Variants in XIRP2 observed in about 807,000 individuals in gnomAD.
XIRP2 encodes xin actin-binding repeat-containing protein 2.
In XIRP2, 236 loss-of-function variants were observed where a neutral mutation model predicts 277.0. The observed-to-expected ratio is 0.85, with a 90% CI of 0.77 to 0.95. The LOEUF (loss-of-function observed/expected upper bound fraction) is 0.95. XIRP2 is among the 40% of genes least tolerant of loss of function. The probability of loss-of-function intolerance (pLI) is 0.00; values close to 1 mark genes in which losing one functional copy is unlikely to be tolerated. For missense variants in XIRP2, 4,640 were observed against 4,157.5 expected (o/e 1.12, Z -3.19); for synonymous variants, 1,490 against 1,416.5 (o/e 1.05, Z -1.17).
chr2:167,038,578 A>T (rs528750045), intron 2 of XIRP2, among the ~76,000 whole-genome samples: 1 of 151,756 alleles, frequency 6.6e-6, no homozygotes, highest in African/African-American at 2.4e-5. Flanking sequence ...ACATATAATA[A>T]TTAGAAAATT....
At chr2:167,085,830 G>A (rs1223487519) in intron 2 of XIRP2, among the ~76,000 whole-genome samples, 5 of 152,136 alleles carry the variant, frequency 3.3e-5, no homozygotes, top group Non-Finnish European at 7.3e-5. Context: ...TTGAGCCTAT[G>A]TGTGTCTCTG....
At position 167,224,826 on chromosome 2, in the gene XIRP2, A is replaced by G. The variant is rs956444676; in HGVS notation, c.858+6526A>G. ...TGTAAAAAGACAAAGAAGGATTATC[A>G]TGTTCTGTGCCTCACACCTTGGCTT... On this transcript the variant is annotated intron_variant, in intron 5 of 10. Transcript: ENST00000409195. 3.3e-5 allele frequency among the ~76,000 whole-genome samples: 5 copies of G among 152,156 alleles called. No homozygotes were observed. In the East Asian group the frequency reaches 9.6e-4, roughly 29 times the overall value.
At chr2:167,112,889 A>G (rs1216827396) in intron 2 of XIRP2, among the ~76,000 whole-genome samples, 1 of 152,072 alleles carries the variant, frequency 6.6e-6, no homozygotes, top group Non-Finnish European at 1.5e-5. Flanking sequence ...TCCTGGCCTC[A>G]ATTGATCTGC....
intron 2 of XIRP2, among the ~76,000 whole-genome samples, chr2:166,942,744 T>G (rs1246214601): frequency 2.0e-5 from 3 of 152,204 alleles, no homozygotes; most frequent in Non-Finnish European, 2.9e-5. Flanking sequence ...TTTCACATAC[T>G]TGTATTAGAA....
At chr2:167,048,073 A>G (rs1390462798) in intron 2 of XIRP2, among the ~76,000 whole-genome samples, 1 of 151,948 alleles carries the variant, frequency 6.6e-6, no homozygotes, top group African/African-American at 2.4e-5. Context: ...CACATTGGGA[A>G]TTAGGTTTTA....
chr2:167,137,660 AT>A (rs1422607513), intron 3 of XIRP2, among the ~76,000 whole-genome samples: 1 of 152,204 alleles, frequency 6.6e-6, no homozygotes, highest in African/African-American at 2.4e-5. Context: ...TGTAACCACT[AT>A]TTACTGTCAA....
intron 5 of XIRP2, among the ~76,000 whole-genome samples, chr2:167,233,975 G>A (rs1162042390): frequency 2.0e-5 from 3 of 151,518 alleles, no homozygotes; most frequent in Non-Finnish European, 4.4e-5. Context: ...TTATTTATAT[G>A]ACTAATATGT....
At chr2:167,083,204 C>T (rs1038471749) in intron 2 of XIRP2, among the ~76,000 whole-genome samples, 1 of 152,182 alleles carries the variant, frequency 6.6e-6, no homozygotes, top group Non-Finnish European at 1.5e-5. Flanking sequence ...ATAGGGAATC[C>T]TTTCCCCATT....
At chr2:167,143,755 A>G (rs987932999) in intron 3 of XIRP2, among the ~76,000 whole-genome samples, 1 of 151,988 alleles carries the variant, frequency 6.6e-6, no homozygotes, top group Non-Finnish European at 1.5e-5. Context: ...CAATTAAAGG[A>G]GTGAAATATT....
At chr2:166,889,241 A>T (rs1367795125) in intron 1 of XIRP2, among the ~76,000 whole-genome samples, 1 of 152,166 alleles carries the variant, frequency 6.6e-6, no homozygotes, top group Non-Finnish European at 1.5e-5. Flanking sequence ...ACAGCAAAAA[A>T]CATTCAAATT....
intron 1 of XIRP2, among the ~76,000 whole-genome samples, chr2:166,900,586 G>A (rs572949075): frequency 4.4e-4 from 67 of 152,112 alleles, no homozygotes; most frequent in African/African-American, 1.4e-3. Flanking sequence ...GTAAAACTCT[G>A]CATATTACTT....
chr2:166,938,963 C>T (rs1685609411), intron 2 of XIRP2, among the ~76,000 whole-genome samples: 2 of 152,136 alleles, frequency 1.3e-5, no homozygotes, highest in South Asian at 2.1e-4. Context: ...TCCTCCATCC[C>T]TTTATTTTGA....
Position 166,906,772 on chromosome 2 carries a change from C to T in XIRP2, c.408+2882C>T, listed in dbSNP as rs373531202. On this transcript the variant is annotated intron_variant, in intron 2 of 10. Coordinates refer to ENST00000409195, the MANE Select transcript of XIRP2 (RefSeq NM_152381.6). ...AGGGGTTCCAGAACAGCCCAGGCAA[C>T]CCATAGCAAAACCCTGTCTCTACAA... Among the ~76,000 whole-genome samples, 9 of 152,064 alleles carry T rather than the reference C, an allele frequency of 5.9e-5. 1 individual carries two copies. In the South Asian group the frequency reaches 1.7e-3, roughly 28 times the overall value.
chr2:167,038,802 C>T (rs1285792317), intron 2 of XIRP2, among the ~76,000 whole-genome samples: 2 of 151,796 alleles, frequency 1.3e-5, no homozygotes, highest in Non-Finnish European at 2.9e-5. Context: ...CTGTGAAATT[C>T]AGAAGATTAA....
At chr2:167,092,884 A>G (rs538858242) in intron 2 of XIRP2, among the ~76,000 whole-genome samples, 2 of 152,270 alleles carry the variant, frequency 1.3e-5, no homozygotes, top group African/African-American at 2.4e-5. Flanking sequence ...TCTAACTGAA[A>G]TATTAAAAGA....
At position 167,245,621 on chromosome 2, in the gene XIRP2, T is replaced by C. The variant is rs1695229686; in HGVS notation, c.4229T>C (p.Ile1410Thr). 6.2e-7 allele frequency: 1 copy of C among 1,613,660 alleles called. No homozygotes were observed. Among genetic ancestry groups the C allele is most frequent in the African/African-American group, 1.3e-5 (1 of 75,026 alleles). ...GAATCACATAATATTATGCCCAGTA[T>C]TGACCATATACAAGGTGGCAATGTA... is the stretch of plus-strand genomic sequence containing the variant. Reference protein sequence around the residue: ...SEESHNIMPSIDHIQGGNVKT... With the variant: ...SEESHNIMPSTDHIQGGNVKT... Residue 1410 changes from isoleucine to threonine, a missense_variant, in exon 9 of 11, where the codon ATT (isoleucine) becomes ACT (threonine). By Grantham distance (89) the Ile-to-Thr change is moderately conservative (BLOSUM62 -1). Transcript: ENST00000409195.
intron 2 of XIRP2, among the ~76,000 whole-genome samples, chr2:166,978,318 A>C (rs1332905463): frequency 6.6e-6 from 1 of 152,202 alleles, no homozygotes; most frequent in Non-Finnish European, 1.5e-5. Flanking sequence ...ATAAAGCCTC[A>C]GACATTTTTA....
chr2:166,939,853 G>A (rs961144155), intron 2 of XIRP2, among the ~76,000 whole-genome samples: 3 of 152,024 alleles, frequency 2.0e-5, no homozygotes, highest in South Asian at 2.1e-4. Flanking sequence ...TGGGTAACCC[G>A]ACCTTTCTCT....
At chr2:167,018,573 C>T (rs1368609127) in intron 2 of XIRP2, among the ~76,000 whole-genome samples, 1 of 151,946 alleles carries the variant, frequency 6.6e-6, no homozygotes, top group Non-Finnish European at 1.5e-5. Flanking sequence ...AGGCATAAGC[C>T]ACAGACATAG....
Sources: allele counts gnomAD v4.1 joint callset (sites outside exome capture counted in the v4.1 genomes callset), GRCh38; gene constraint gnomAD v4.1.1; transcripts MANE v1.5; gene names NCBI Gene and HGNC (gene_info 2026-07-23, HGNC 2026-07-21).